The following DIPK1A variants were observed in gnomAD, a reference collection of about 807,000 sequenced individuals.
DIPK1A encodes divergent protein kinase domain 1A.
Under a neutral mutation model 40.8 loss-of-function variants are expected in DIPK1A, and 27 were observed. That is an observed-to-expected ratio of 0.66 (90% CI 0.49 to 0.91). The LOEUF (loss-of-function observed/expected upper bound fraction) is 0.91. DIPK1A is among the 40% of genes least tolerant of loss of function. The probability of loss-of-function intolerance (pLI) is 0.00; values close to 1 mark genes in which losing one functional copy is unlikely to be tolerated. For missense variants in DIPK1A, 412 were observed against 505.7 expected (o/e 0.81, Z 1.78); for synonymous variants, 166 against 171.3 (o/e 0.97, Z 0.24).
chr1:92,885,798 ATT>A (rs1648574068), intron 1 of DIPK1A, among the ~76,000 whole-genome samples: 1 of 152,200 alleles, frequency 6.6e-6, no homozygotes. Context: ...CATCCTTCTT[ATT>A]GAAATAATGC....
At chr1:92,928,445 AT>A (rs1246079524) in intron 1 of DIPK1A, among the ~76,000 whole-genome samples, 1 of 152,154 alleles carries the variant, frequency 6.6e-6, no homozygotes, top group Non-Finnish European at 1.5e-5. Flanking sequence ...AGTCTTTCAA[AT>A]TTATTCACTG....
intron 1 of DIPK1A, among the ~76,000 whole-genome samples, chr1:92,957,271 T>C (rs1373439607): frequency 6.6e-6 from 1 of 152,146 alleles, no homozygotes; most frequent in African/African-American, 2.4e-5. Context: ...AGGCCACAAG[T>C]AGTATGCACC....
rs139261776 is a variant in DIPK1A at position 92,871,371 on chromosome 1, G to T, written c.189+4925C>A. Among the ~76,000 whole-genome samples the T allele has an allele frequency of 5.5e-3, 830 of 152,176 alleles. 6 individuals are homozygous for T. The highest frequency in any genetic ancestry group is 0.018 in the African/African-American group (762 of 41,514). On this transcript the variant is annotated intron_variant, in intron 2 of 4. Coordinates refer to ENST00000370310, the MANE Select transcript of DIPK1A (RefSeq NM_001006605.5). Reference sequence around the variant, plus strand: ...GTAGAGACAGGATTTCTCCATGTTGGTTGGACTGGTCTCGAACTACCGACC... The same window carrying T: ...GTAGAGACAGGATTTCTCCATGTTGTTTGGACTGGTCTCGAACTACCGACC...
intron 4 of DIPK1A, among the ~76,000 whole-genome samples, chr1:92,844,948 T>C (rs1306252181): frequency 7.3e-6 from 1 of 137,248 alleles, no homozygotes; most frequent in Non-Finnish European, 1.6e-5. Flanking sequence ...TTCTTTTTTT[T>C]TTTTTTTTTT....
intron 1 of DIPK1A, among the ~76,000 whole-genome samples, chr1:92,938,288 T>C (rs929195389): frequency 1.4e-4 from 20 of 146,746 alleles, no homozygotes; most frequent in African/African-American, 5.0e-4. Flanking sequence ...CCCAGCTACT[T>C]GGGAGGCTGA....
chr1:92,836,095 G>C, intron 4 of DIPK1A: 2 of 1,160,246 alleles, frequency 1.7e-6, no homozygotes, highest in Non-Finnish European at 2.6e-6. Flanking sequence ...TTCTTTTCCA[G>C]ATGTCAGTGG....
chr1:92,868,187 A>C (rs1047822172), intron 2 of DIPK1A, among the ~76,000 whole-genome samples: 2 of 152,240 alleles, frequency 1.3e-5, no homozygotes, highest in African/African-American at 4.8e-5. Flanking sequence ...TCAAAGCTAC[A>C]CAGTACAGCA....
Position 92,959,560 on chromosome 1 carries a change from T to C in DIPK1A, c.54+1816A>G, listed in dbSNP as rs536596762. Among the ~76,000 whole-genome samples the C allele has an allele frequency of 3.0e-3, 441 of 147,648 alleles. 4 individuals are homozygous for C. The highest frequency in any genetic ancestry group is 0.011 in the African/African-American group (422 of 39,992). On this transcript the variant is annotated intron_variant, in intron 1 of 4. Transcript: ENST00000370310. ...TCTGCCTCCCAAGTTCACGCCATTC[T>C]CCTGCCTCAGCCTCCCGAGTAGCTG...
chr1:92,892,261 AG>A (rs1269085849), intron 1 of DIPK1A, among the ~76,000 whole-genome samples: 1 of 152,092 alleles, frequency 6.6e-6, no homozygotes, highest in Non-Finnish European at 1.5e-5. Context: ...ACCCCGCAGT[AG>A]GGGCAGATAC....
At chr1:92,917,409 A>T (rs529725426) in intron 1 of DIPK1A, among the ~76,000 whole-genome samples, 47 of 152,330 alleles carry the variant, frequency 3.1e-4, no homozygotes, top group South Asian at 4.1e-4. Flanking sequence ...GTATGTACAC[A>T]TATAGATAGA....
At chr1:92,881,655 G>T (rs2100785541) in intron 1 of DIPK1A, among the ~76,000 whole-genome samples, 1 of 152,280 alleles carries the variant, frequency 6.6e-6, no homozygotes, top group African/African-American at 2.4e-5. Context: ...TTTCAAAGAA[G>T]TGTCTAAGTA....
chr1:92,840,948 A>G (rs1687340736), downstream of DIPK1A: 2 of 470,494 alleles, frequency 4.3e-6, no homozygotes, highest in Non-Finnish European at 8.1e-6. Context: ...GTAATACTTA[A>G]TGAACATGTA....
At chr1:92,938,407 C>T (rs890508103) in intron 1 of DIPK1A, among the ~76,000 whole-genome samples, 10 of 147,534 alleles carry the variant, frequency 6.8e-5, no homozygotes, top group African/African-American at 2.0e-4. Context: ...GAGGTCAAAG[C>T]TGCAATGAGC....
chr1:92,922,035 A>G (rs34084844), intron 1 of DIPK1A, among the ~76,000 whole-genome samples: 47,944 of 151,986 alleles, frequency 0.32, 8,066 homozygotes, highest in Non-Finnish European at 0.37. Context: ...AAAGGTTAGT[A>G]TTTTAAATGT....
chr1:92,902,759 G>A (rs985107929), intron 1 of DIPK1A, among the ~76,000 whole-genome samples: 8 of 152,102 alleles, frequency 5.3e-5, no homozygotes, highest in African/African-American at 1.4e-4. Context: ...GTTGCCTTCC[G>A]TTCTCTATGT....
chr1:92,910,364 A>C (rs1490684307), intron 1 of DIPK1A, among the ~76,000 whole-genome samples: 1 of 152,156 alleles, frequency 6.6e-6, no homozygotes, highest in Non-Finnish European at 1.5e-5. Context: ...CCCTAGACCT[A>C]CTGAATCAGA....
chr1:92,895,993 G>T (rs540072746), intron 1 of DIPK1A, among the ~76,000 whole-genome samples: 51 of 151,682 alleles, frequency 3.4e-4, no homozygotes, highest in African/African-American at 1.2e-3. Context: ...CACTGCTCAA[G>T]GAAATAAAAG....
intron 1 of DIPK1A, among the ~76,000 whole-genome samples, chr1:92,924,539 G>T (rs772359300): frequency 2.6e-5 from 4 of 152,080 alleles, no homozygotes; most frequent in Non-Finnish European, 4.4e-5. Flanking sequence ...GAGTCAGGGG[G>T]CACCTTGCCT....
At chr1:92,842,045 A>G (rs1443416416), downstream of DIPK1A, 3 of 811,986 alleles carry the variant, frequency 3.7e-6, no homozygotes, top group Non-Finnish European at 5.4e-6. Flanking sequence ...ACTTTTTAAG[A>G]AAAAAAGTTG....
Sources: gnomAD v4.1 joint callset for allele counts (sites outside exome capture counted in the v4.1 genomes callset) on GRCh38, gnomAD v4.1.1 for gene constraint, MANE v1.5 for transcripts, NCBI Gene and HGNC (gene_info 2026-07-23, HGNC 2026-07-21) for gene names.